Variants in CCL17 observed in about 807,000 individuals in gnomAD.
The protein encoded by CCL17 is C-C motif chemokine 17.
CCL17 carries 8 observed loss-of-function variants against 7.4 expected under a neutral mutation model. The observed-to-expected ratio is 1.09, with a 90% CI of 0.64 to 1.96. The LOEUF (loss-of-function observed/expected upper bound fraction) is 1.96. Ranked by LOEUF, CCL17 falls within the 30% of genes most tolerant of loss-of-function variation. The probability of loss-of-function intolerance (pLI) is 0.00; values close to 1 mark genes in which losing one functional copy is unlikely to be tolerated. For synonymous variants in CCL17, 40 were observed against 46.1 expected, an observed-to-expected ratio of 0.87 and a Z score of 0.54; for missense variants, 102 against 113.0, an observed-to-expected ratio of 0.90 and a Z score of 0.44.
In CCL17 at chr16:57,407,735, TTCCA is replaced by T. The variant is rs1902718051; in HGVS notation, c.-60+2910_-60+2913del. Among the ~76,000 whole-genome samples the T allele has an allele frequency of 2.0e-5, 3 of 151,390 alleles. No individual in the cohort carries two copies. The South Asian group carries it at 6.3e-4, about 32-fold the overall frequency. On this transcript the variant is annotated intron_variant, in intron 1 of 3. Coordinates refer to ENST00000219244, the MANE Select transcript of CCL17 (RefSeq NM_002987.3). ...CATCCATCAACCCATTCATCCATCC[TTCCA>T]TCCATCCATCATCCATCCATCCATC...
intron 1 of CCL17, among the ~76,000 whole-genome samples, chr16:57,405,541 G>A (rs1213831992): frequency 6.6e-6 from 1 of 152,216 alleles, no homozygotes; most frequent in Non-Finnish European, 1.5e-5. Context: ...GGTACCTGGG[G>A]CTGAGTGAAC....
At chr16:57,409,520 A>G (rs1387107845) in intron 1 of CCL17, among the ~76,000 whole-genome samples, 2 of 152,158 alleles carry the variant, frequency 1.3e-5, no homozygotes, top group African/African-American at 2.4e-5. Context: ...TTGGAGATCA[A>G]TGGGCTTTTG....
intron 1 of CCL17, among the ~76,000 whole-genome samples, chr16:57,413,632 C>T (rs1227384483): frequency 4.6e-5 from 7 of 152,174 alleles, no homozygotes; most frequent in Admixed American, 4.6e-4. Flanking sequence ...AAGAAATGTC[C>T]CCTTTGAAAG....
chr16:57,413,370 C>G (rs551429826), intron 1 of CCL17, among the ~76,000 whole-genome samples: 55 of 152,112 alleles, frequency 3.6e-4, no homozygotes, highest in African/African-American at 1.3e-3. Context: ...CAGGGTGGCC[C>G]TGGCAGCACC....
upstream of CCL17, among the ~76,000 whole-genome samples, chr16:57,402,220 A>T (rs1378747342): frequency 6.6e-6 from 1 of 152,294 alleles, no homozygotes; most frequent in Non-Finnish European, 1.5e-5. Context: ...TCCCCTGGGG[A>T]GAGCCATGAC....
rs1005029267 is a variant in CCL17 at position 57,414,943 on chromosome 16, G to A, written c.71-138G>A. On this transcript the variant is annotated intron_variant, in intron 2 of 3. Transcript: ENST00000219244. The stretch of plus-strand genomic sequence containing the variant: ...AGACACACACACATACACATAGGCA[G>A]TGATACACATGCAGTCATCACACAC... 3.7e-5 allele frequency: 26 copies of A among 698,584 alleles called. No homozygotes were observed. In the Admixed American group the frequency reaches 4.3e-4, roughly 12 times the overall value. The allele number at this position is 698,584 out of a possible 1,614,324, so 43.3% of individuals were successfully genotyped here.
chr16:57,413,035 T>C (rs951420758), intron 1 of CCL17, among the ~76,000 whole-genome samples: 3 of 152,354 alleles, frequency 2.0e-5, no homozygotes, highest in Admixed American at 6.5e-5. Context: ...GCTCAGGGCC[T>C]GGCTCAGGCT....
At chr16:57,411,599 A>T (rs1354303984) in intron 1 of CCL17, among the ~76,000 whole-genome samples, 1 of 152,222 alleles carries the variant, frequency 6.6e-6, no homozygotes, top group Admixed American at 6.5e-5. Context: ...TGTGTAGCAC[A>T]GAAGAGCAAT....
intron 1 of CCL17, among the ~76,000 whole-genome samples, chr16:57,408,126 T>A (rs1203217666): frequency 6.6e-6 from 1 of 151,948 alleles, no homozygotes; most frequent in Admixed American, 6.6e-5. Flanking sequence ...CATCTATCCA[T>A]CCATTCATCT....
At chr16:57,401,852 G>T (rs1171612626), upstream of CCL17, among the ~76,000 whole-genome samples, 2 of 152,154 alleles carry the variant, frequency 1.3e-5, no homozygotes, top group East Asian at 3.8e-4. Flanking sequence ...GCCCCCCGGG[G>T]ACGTCACCTG....
chr16:57,415,182 T>C lies in CCL17; in HGVS notation c.172T>C (p.Ser58Pro). The C allele has an allele frequency of 6.2e-7, 1 of 1,609,898 alleles. No homozygotes were observed. Residue 58 changes from serine (S) to proline (P), a missense_variant, in exon 3 of 4, where the codon TCC (serine) becomes CCC (proline). Coordinates refer to ENST00000219244, the MANE Select transcript of CCL17 (RefSeq NM_002987.3). The surrounding 1 kb of genome is among the most constrained non-coding windows in gnomAD (Gnocchi z 4.5). ...KTWYQTSEDC[S>P]RDAIVFVTVQ... ...GTGGTACCAGACATCTGAGGACTGC[T>C]CCAGGGATGCCATCGTGTAAGTCCC...
chr16:57,415,408 C>T lies in CCL17; in HGVS notation c.188+210C>T, dbSNP rs547263566. On this transcript the variant is annotated intron_variant, in intron 3 of 3. Transcript: ENST00000219244. This position sits in a 1 kb window ranked among gnomAD's most constrained non-coding sequence, Gnocchi z 4.5. ...TTGATTTGTGGTGAAATTGAGGCCCCGGGAGCAATGAACACCCCCAGGTCA... is the reference window on the plus strand; with the variant it reads ...TTGATTTGTGGTGAAATTGAGGCCCTGGGAGCAATGAACACCCCCAGGTCA... Among the ~76,000 whole-genome samples, 6 of 152,340 alleles carry T rather than the reference C, an allele frequency of 3.9e-5. No individual in the cohort carries two copies. In the East Asian group the frequency reaches 7.7e-4, roughly 20 times the overall value.
At chr16:57,403,452 T>G (rs1285688607), upstream of CCL17, among the ~76,000 whole-genome samples, 1 of 8,728 alleles carries the variant, frequency 1.1e-4, no homozygotes, top group African/African-American at 4.4e-4. Context: ...ATATATTATA[T>G]TATAATATAT....
chr16:57,410,120 G>C (rs539268996), intron 1 of CCL17, among the ~76,000 whole-genome samples: 1 of 152,170 alleles, frequency 6.6e-6, no homozygotes, highest in Admixed American at 6.5e-5. Flanking sequence ...CGCCCCAGCC[G>C]CTTGGCTGCC....
chr16:57,409,403 A>G (rs1277051921), intron 1 of CCL17, among the ~76,000 whole-genome samples: 2 of 152,146 alleles, frequency 1.3e-5, no homozygotes, highest in Non-Finnish European at 2.9e-5. Context: ...GAGCTGGAGG[A>G]AAAAGTTGAG....
At position 57,415,467 on chromosome 16, in the gene CCL17, C is replaced by T. The variant is rs149466673; in HGVS notation, c.188+269C>T. Among the ~76,000 whole-genome samples, 1 of 152,266 alleles carries T rather than the reference C, an allele frequency of 6.6e-6. No homozygotes were observed. Among genetic ancestry groups the T allele is most frequent in the Non-Finnish European group, 1.5e-5 (1 of 68,044 alleles). ...GTCAGGGGCAATGTGGTCACCTCCC[C>T]CAGCCTGGGCCTGAGCCCTGCCCGC... On this transcript the variant is annotated intron_variant, in intron 3 of 3. Coordinates refer to ENST00000219244, the MANE Select transcript of CCL17 (RefSeq NM_002987.3). This position sits in a 1 kb window ranked among gnomAD's most constrained non-coding sequence, Gnocchi z 4.5.
intron 1 of CCL17, among the ~76,000 whole-genome samples, chr16:57,409,371 C>A (rs1338870568): frequency 6.6e-6 from 1 of 152,082 alleles, no homozygotes; most frequent in East Asian, 1.9e-4. Context: ...GTGGCTGGGA[C>A]AAAATGATAT....
At chr16:57,401,949 G>A (rs1445166817), upstream of CCL17, among the ~76,000 whole-genome samples, 1 of 152,196 alleles carries the variant, frequency 6.6e-6, no homozygotes, top group Non-Finnish European at 1.5e-5. Flanking sequence ...CATCCTTAAT[G>A]AACTCAACCT....
At chr16:57,400,479 ACTT>A (rs1902577515), upstream of CCL17, among the ~76,000 whole-genome samples, 1 of 150,154 alleles carries the variant, frequency 6.7e-6, no homozygotes, top group African/African-American at 2.4e-5. Flanking sequence ...GTTCTTTGAC[ACTT>A]TTTTTTTTTT....
Sources: allele counts gnomAD v4.1 joint callset (sites outside exome capture counted in the v4.1 genomes callset), GRCh38; gene constraint gnomAD v4.1.1; non-coding constraint Gnocchi (gnomAD v3.1); transcripts MANE v1.5; gene names NCBI Gene and HGNC (gene_info 2026-07-23, HGNC 2026-07-21).